CLCN6: variants seen among roughly 807,000 people sequenced by gnomAD.
CLCN6 encodes Cl-/H+ antiporter 6, also known as H(+)/Cl(-) exchange transporter 6.
Under a neutral mutation model 109.8 loss-of-function variants are expected in CLCN6, and 70 were observed. The ratio of observed to expected loss-of-function variants is 0.64; its 90% CI spans 0.53 to 0.78. The LOEUF (loss-of-function observed/expected upper bound fraction) is 0.78. CLCN6 is among the 30% of genes least tolerant of loss of function. CLCN6 has a pLI of 0.00. For missense variants in CLCN6, 984 were observed against 1,142.3 expected (o/e 0.86, Z 2.00); for synonymous variants, 444 against 447.8 (o/e 0.99, Z 0.11).
In CLCN6 at chr1:11,826,071, T is replaced by C. The variant is rs553349482; in HGVS notation, c.649-85T>C. ...AGGCTGCCCCTGACCTGTGTTCTTT[T>C]TTTTTTTTCCATAATTACTGGGGTA... On this transcript the variant is annotated intron_variant, in intron 8 of 22. Transcript: ENST00000346436. 5.2e-4 allele frequency: 546 copies of C among 1,043,898 alleles called. 13 individuals carry two copies. In the South Asian group the frequency reaches 7.4e-3, roughly 14 times the overall value. 64.7% of individuals were successfully genotyped at this position (1,043,898 alleles called of 1,614,324 possible).
Position 11,838,560 on chromosome 1 carries a change from C to T in CLCN6, c.2429C>T (p.Ser810Leu), listed in dbSNP as rs1644979839. The change falls in exon 22 of 23, where the codon TCG (serine) becomes TTG (leucine). Residue 810 changes from serine to leucine, a missense_variant. Transcript: ENST00000346436. ...GATGTCACCCCATACATGAACCCTTCGCCTTTCACCGTCTCGCCCAACACC... is the reference window on the plus strand; with the variant it reads ...GATGTCACCCCATACATGAACCCTTTGCCTTTCACCGTCTCGCCCAACACC... ...IVDVTPYMNP[S>L]PFTVSPNTHV... The T allele has an allele frequency of 6.2e-6, 10 of 1,611,630 alleles. No individual in the cohort carries two copies. Among genetic ancestry groups the T allele is most frequent in the Non-Finnish European group, 8.5e-6 (10 of 1,177,924 alleles).
rs970728976 is a variant in CLCN6 at position 11,813,126 on chromosome 1, C to T, written c.148-2720C>T. Among the ~76,000 whole-genome samples, 13 of 152,158 alleles carry T rather than the reference C, an allele frequency of 8.5e-5. No individual in the cohort carries two copies. In the East Asian group the frequency reaches 1.5e-3, roughly 18 times the overall value. On this transcript the variant is annotated intron_variant, in intron 2 of 22. Coordinates refer to ENST00000346436, the MANE Select transcript of CLCN6 (RefSeq NM_001286.5). Reference sequence around the variant, plus strand: ...TCCCCTGTGAAGAAGAGTATAGAAGCGTCTGTACCTCGCTGGCATTATTGG... The same window carrying T: ...TCCCCTGTGAAGAAGAGTATAGAAGTGTCTGTACCTCGCTGGCATTATTGG...
intron 2 of CLCN6, among the ~76,000 whole-genome samples, chr1:11,812,080 C>G (rs576203173): frequency 4.6e-5 from 7 of 152,118 alleles, no homozygotes; most frequent in African/African-American, 1.7e-4. Flanking sequence ...TGCCACTGCA[C>G]TCCATGCTGG....
intron 5 of CLCN6, 47 bp from the exon 6 acceptor site, chr1:11,822,648 G>A (rs753388069): frequency 1.8e-6 from 2 of 1,142,208 alleles, no homozygotes; most frequent in African/African-American, 1.5e-5. Context: ...TGATGACGGG[G>A]ACACCCCTCG....
At chr1:11,813,159 T>A (rs1171410495) in intron 2 of CLCN6, among the ~76,000 whole-genome samples, 1 of 152,202 alleles carries the variant, frequency 6.6e-6, no homozygotes, top group African/African-American at 2.4e-5. Context: ...TGGGTAATCA[T>A]TCTGCAGTTC....
At position 11,829,263 on chromosome 1, in the gene CLCN6, G is replaced by A. The variant is rs1644851467; in HGVS notation, c.1189G>A (p.Gly397Arg). The change falls in exon 13 of 23, where the codon GGA (glycine) becomes AGA (arginine). Residue 397 changes from glycine (G) to arginine (R), a missense_variant. Transcript: ENST00000346436. Reference protein sequence around the residue: ...VVVFVASMVLGECRQMSSSSQ... With the variant: ...VVVFVASMVLRECRQMSSSSQ... ...GGTGTTTGTGGCCTCGATGGTGTTA[G>A]GAGAATGCCGACAGATGTCCTCTTC... The A allele has an allele frequency of 1.1e-5, 18 of 1,614,188 alleles. No individual in the cohort carries two copies. Among genetic ancestry groups the A allele is most frequent in the Non-Finnish European group, 1.5e-5 (18 of 1,180,034 alleles).
At chr1:11,819,655 C>G in intron 5 of CLCN6, 101 bp downstream of exon 5, 1 of 968,602 alleles carries the variant, frequency 1.0e-6, no homozygotes, top group Non-Finnish European at 1.7e-6. Flanking sequence ...ATTAGAAGGG[C>G]CGCTTATTAG....
chr1:11,812,645 A>ATG (rs1644613825), intron 2 of CLCN6, among the ~76,000 whole-genome samples: 1 of 148,692 alleles, frequency 6.7e-6, no homozygotes, highest in Non-Finnish European at 1.5e-5. Flanking sequence ...GCTCAAAAAA[A>ATG]AAAAAAGACA....
intron 2 of CLCN6, among the ~76,000 whole-genome samples, chr1:11,814,135 T>G (rs1037358698): frequency 1.3e-5 from 2 of 152,142 alleles, no homozygotes; most frequent in African/African-American, 4.8e-5. Context: ...AACTATTGTC[T>G]GGGAGTGTGG....
chr1:11,823,909 T>G, intron 7 of CLCN6, 76 bp downstream of exon 7: 1 of 1,583,696 alleles, frequency 6.3e-7, no homozygotes, highest in Admixed American at 1.7e-5. Context: ...ATTTCAGTTA[T>G]TAGATTTGGA....
intron 2 of CLCN6, among the ~76,000 whole-genome samples, chr1:11,810,768 A>C (rs368242792): frequency 2.7e-4 from 41 of 151,644 alleles, no homozygotes; most frequent in African/African-American, 9.3e-4. Flanking sequence ...CAACTAATTT[A>C]TTTAAAAAAA....
intron 2 of CLCN6, among the ~76,000 whole-genome samples, chr1:11,810,024 CAT>C (rs1445976972): frequency 1.3e-5 from 2 of 152,068 alleles, no homozygotes; most frequent in East Asian, 3.9e-4. Context: ...GTGTTAAAAG[CAT>C]GTGTATAAAA....
chr1:11,831,397 C>T (rs915702914), intron 13 of CLCN6, among the ~76,000 whole-genome samples: 5 of 152,030 alleles, frequency 3.3e-5, no homozygotes, highest in Admixed American at 1.3e-4. Context: ...CCTTGTGATC[C>T]GCCCACCTCG....
intron 5 of CLCN6, among the ~76,000 whole-genome samples, chr1:11,821,733 T>A (rs1483427193): frequency 6.6e-6 from 1 of 152,182 alleles, no homozygotes; most frequent in Non-Finnish European, 1.5e-5. Flanking sequence ...CTCTTAGAAA[T>A]TTGAACCGTA....
At chr1:11,824,429 C>G in intron 7 of CLCN6, 57 bp from the exon 8 acceptor site, 1 of 1,450,564 alleles carries the variant, frequency 6.9e-7, no homozygotes, top group Non-Finnish European at 9.6e-7. Flanking sequence ...CCAAGGTCTC[C>G]TGACCCAGGG....
chr1:11,824,115 A>G (rs1644781554), intron 7 of CLCN6, among the ~76,000 whole-genome samples: 1 of 152,208 alleles, frequency 6.6e-6, no homozygotes, highest in African/African-American at 2.4e-5. Context: ...CAGATAGTAA[A>G]TATTTAAGGC....
In CLCN6 at chr1:11,823,853, T is replaced by C. The variant is rs768944271; in HGVS notation, c.580+20T>C. 2 of 1,613,596 alleles carry C rather than the reference T, an allele frequency of 1.2e-6. No individual in the cohort carries two copies. Among genetic ancestry groups the C allele is most frequent in the South Asian group, 1.1e-5 (1 of 91,048 alleles). On this transcript the variant is annotated intron_variant, in intron 7 of 22. Coordinates refer to ENST00000346436, the MANE Select transcript of CLCN6 (RefSeq NM_001286.5). ...CTGGAGGTAAGAAGGGTCCAACTTG[T>C]ATCCTTCAAATACTCAAAGGGCAGA...
In CLCN6 at chr1:11,828,446, C is replaced by G. The variant is rs770083031; in HGVS notation, c.955-12C>G. On this transcript the variant is annotated splice_polypyrimidine_tract_variant and intron_variant, in intron 11 of 22. Coordinates refer to ENST00000346436, the MANE Select transcript of CLCN6 (RefSeq NM_001286.5). Reference sequence around the variant, plus strand: ...TGGTTTTTCTCTCCCTCTCCCTTTCCCCTTCTCTCAGTGCTCTGACTCTGA... The same window carrying G: ...TGGTTTTTCTCTCCCTCTCCCTTTCGCCTTCTCTCAGTGCTCTGACTCTGA... The G allele has an allele frequency of 6.2e-7, 1 of 1,613,958 alleles. No individual in the cohort carries two copies. Among genetic ancestry groups the G allele is most frequent in the Non-Finnish European group, 8.5e-7 (1 of 1,179,972 alleles).
intron 5 of CLCN6, chr1:11,820,241 G>A: frequency 1.7e-6 from 1 of 601,520 alleles, no homozygotes; most frequent in Non-Finnish European, 3.1e-6. Flanking sequence ...GTTTGAGGCT[G>A]TAATGCACCA....
Sources: allele counts gnomAD v4.1 joint callset (sites outside exome capture counted in the v4.1 genomes callset), GRCh38; gene constraint gnomAD v4.1.1; transcripts MANE v1.5; gene names NCBI Gene and HGNC (gene_info 2026-07-23, HGNC 2026-07-21).